TAFA1: variants seen among roughly 807,000 people sequenced by gnomAD.
TAFA1 encodes the protein TAFA chemokine like family member 1.
In TAFA1, 4 loss-of-function variants were observed where a neutral mutation model predicts 18.5. The observed-to-expected ratio is 0.22, with a 90% CI of 0.11 to 0.49. TAFA1 has a LOEUF of 0.49. TAFA1 is among the 20% of genes least tolerant of loss of function. TAFA1 has a pLI of 0.98. For missense variants in TAFA1, 147 were observed against 169.0 expected, an observed-to-expected ratio of 0.87 and a Z score of 0.72; for synonymous variants, 56 against 55.2, an observed-to-expected ratio of 1.01 and a Z score of -0.06.
intron 2 of TAFA1, among the ~76,000 whole-genome samples, chr3:68,257,126 G>T (rs2067314131): frequency 6.6e-6 from 1 of 151,910 alleles, no homozygotes; most frequent in Admixed American, 6.6e-5. Flanking sequence ...CCAGCCTCAG[G>T]GTATTTGCAA....
chr3:68,161,508 G>A (rs2065924808), intron 2 of TAFA1, among the ~76,000 whole-genome samples: 1 of 152,146 alleles, frequency 6.6e-6, no homozygotes, highest in Non-Finnish European at 1.5e-5. Context: ...TGTAGGAGCT[G>A]TGTAAATCAT....
At chr3:68,521,529 G>A (rs373452023) in intron 3 of TAFA1, among the ~76,000 whole-genome samples, 7 of 152,106 alleles carry the variant, frequency 4.6e-5, no homozygotes, top group African/African-American at 7.2e-5. Flanking sequence ...TTTAAAATAC[G>A]TGAGGAAATA....
intron 2 of TAFA1, among the ~76,000 whole-genome samples, chr3:68,229,776 G>A (rs913885644): frequency 3.9e-5 from 6 of 152,012 alleles, no homozygotes; most frequent in Non-Finnish European, 8.8e-5. Context: ...GACCTGTTTC[G>A]GATTCCAGTT....
At chr3:68,336,140 A>T (rs1309294838) in intron 2 of TAFA1, among the ~76,000 whole-genome samples, 1 of 152,238 alleles carries the variant, frequency 6.6e-6, no homozygotes, top group Non-Finnish European at 1.5e-5. Context: ...AATAAAGAAC[A>T]TAATGTCTAC....
At chr3:68,458,742 A>G (rs979787772) in intron 3 of TAFA1, among the ~76,000 whole-genome samples, 1 of 152,112 alleles carries the variant, frequency 6.6e-6, no homozygotes, top group African/African-American at 2.4e-5. Context: ...CTGGGGAAAC[A>G]ATCTTTCATG....
chr3:68,223,334 T>C (rs1261606141), intron 2 of TAFA1, among the ~76,000 whole-genome samples: 1 of 152,236 alleles, frequency 6.6e-6, no homozygotes, highest in Non-Finnish European at 1.5e-5. Context: ...AAATGAGCAC[T>C]TACTATGTTT....
rs561140889 is a variant in TAFA1 at position 68,040,999 on chromosome 3, G to GT, written c.118+34256dup. On this transcript the variant is annotated intron_variant, in intron 2 of 4. Transcript: ENST00000478136. ...CATGGATTATGCAACTCTAAGATAC[G>GT]TAACATTGTCTTGAAAATTGCATTA... Among the ~76,000 whole-genome samples the GT allele has an allele frequency of 1.8e-4, 28 of 152,186 alleles. No homozygotes were observed. The South Asian group carries it at 5.6e-3, about 30-fold the overall frequency.
intron 3 of TAFA1, among the ~76,000 whole-genome samples, chr3:68,419,249 G>T (rs923795198): frequency 6.6e-6 from 1 of 152,148 alleles, no homozygotes; most frequent in African/African-American, 2.4e-5. Flanking sequence ...GTGGTAGACC[G>T]CAAGGGCTGG....
intron 2 of TAFA1, among the ~76,000 whole-genome samples, chr3:68,150,950 A>G (rs915148932): frequency 6.6e-6 from 1 of 152,050 alleles, no homozygotes; most frequent in Non-Finnish European, 1.5e-5. Context: ...ACACAACCTA[A>G]TAACATTGGC....
chr3:68,216,860 G>A (rs1486959781), intron 2 of TAFA1, among the ~76,000 whole-genome samples: 1 of 152,042 alleles, frequency 6.6e-6, no homozygotes, highest in Non-Finnish European at 1.5e-5. Context: ...AAAGTGATAT[G>A]GGATTATAAG....
chr3:68,019,320 A>AT (rs1335976681), intron 2 of TAFA1, among the ~76,000 whole-genome samples: 1 of 152,120 alleles, frequency 6.6e-6, no homozygotes, highest in African/African-American at 2.4e-5. Flanking sequence ...ATTTTCAAGC[A>AT]TTTTTTACAG....
chr3:68,183,027 A>G (rs551057196), intron 2 of TAFA1, among the ~76,000 whole-genome samples: 1 of 152,314 alleles, frequency 6.6e-6, no homozygotes, highest in East Asian at 1.9e-4. Context: ...CCAAATAATT[A>G]TCCTATCAGA....
rs187964303 is a variant in TAFA1, at chr3:68,172,296, T to A, written c.118+165552T>A. Among the ~76,000 whole-genome samples the A allele has an allele frequency of 7.2e-5, 11 of 152,172 alleles. No individual in the cohort carries two copies. In the East Asian group the frequency reaches 1.9e-3, roughly 27 times the overall value. On this transcript the variant is annotated intron_variant, in intron 2 of 4. Coordinates refer to ENST00000478136, the MANE Select transcript of TAFA1 (RefSeq NM_213609.4). The stretch of plus-strand genomic sequence containing the variant: ...TTATGGAGGCTAGGCATGTGAAAAA[T>A]GCTCAATATCATTAATCCTTAGGGA...
chr3:68,066,076 G>T (rs1006664693), intron 2 of TAFA1, among the ~76,000 whole-genome samples: 4 of 152,074 alleles, frequency 2.6e-5, no homozygotes, highest in African/African-American at 9.7e-5. Context: ...TTGGGAGGGG[G>T]TTGGATAGAG....
chr3:68,007,405 T>C (rs896016534), intron 2 of TAFA1, among the ~76,000 whole-genome samples: 3 of 152,158 alleles, frequency 2.0e-5, no homozygotes, highest in Non-Finnish European at 4.4e-5. Context: ...GTTCAAAGTA[T>C]ATTTCTCACC....
intron 2 of TAFA1, among the ~76,000 whole-genome samples, chr3:68,135,476 C>T (rs907824557): frequency 1.3e-5 from 2 of 152,178 alleles, no homozygotes; most frequent in African/African-American, 2.4e-5. Flanking sequence ...ACTCTAGAGT[C>T]TACAAGACCC....
intron 2 of TAFA1, among the ~76,000 whole-genome samples, chr3:68,055,625 C>A (rs964195199): frequency 3.3e-5 from 5 of 151,974 alleles, no homozygotes; most frequent in African/African-American, 1.2e-4. Flanking sequence ...CTAGGTGAAG[C>A]TTCTGCTTGG....
At chr3:68,029,870 C>A (rs1230668156) in intron 2 of TAFA1, among the ~76,000 whole-genome samples, 1 of 152,132 alleles carries the variant, frequency 6.6e-6, no homozygotes, top group Non-Finnish European at 1.5e-5. Context: ...AGTTTCGTTA[C>A]CTTGCCTAAG....
At chr3:68,149,365 G>A (rs143487254) in intron 2 of TAFA1, among the ~76,000 whole-genome samples, 1 of 152,260 alleles carries the variant, frequency 6.6e-6, no homozygotes, top group African/African-American at 2.4e-5. Flanking sequence ...ATTTTGTGTT[G>A]CTATACAGGA....
Sources: allele counts gnomAD v4.1 joint callset (sites outside exome capture counted in the v4.1 genomes callset), GRCh38; gene constraint gnomAD v4.1.1; transcripts MANE v1.5; gene names NCBI Gene and HGNC (gene_info 2026-07-23, HGNC 2026-07-21).